Variants in DNAJA1 observed in about 807,000 individuals in gnomAD.
DNAJA1 encodes the protein dnaJ homolog subfamily A member 1.
Under a neutral mutation model 47.6 loss-of-function variants are expected in DNAJA1, and 26 were observed. The observed-to-expected ratio is 0.55, with a 90% CI of 0.40 to 0.76. DNAJA1 has a LOEUF of 0.76. Among genes scored for constraint, DNAJA1 ranks in the 30% least tolerant of loss-of-function variants. The pLI, the probability that DNAJA1 is intolerant of heterozygous loss-of-function variation, is 0.00. For synonymous variants in DNAJA1, 165 were observed against 158.4 expected (o/e 1.04, Z -0.31); for missense variants, 315 against 485.0 (o/e 0.65, Z 3.29).
chr9:33,028,061 A>G (rs1333271356), intron 3 of DNAJA1, among the ~76,000 whole-genome samples: 1 of 150,482 alleles, frequency 6.6e-6, no homozygotes, highest in Non-Finnish European at 1.5e-5. Context: ...GACAAAGTAT[A>G]TAGCAATATA....
intron 3 of DNAJA1, among the ~76,000 whole-genome samples, chr9:33,028,759 G>C (rs1046345446): frequency 6.6e-6 from 1 of 152,150 alleles, no homozygotes; most frequent in Non-Finnish European, 1.5e-5. Context: ...AGCTCTAGAA[G>C]CTTTATTTTT....
chr9:33,038,789 A>T lies in DNAJA1; in HGVS notation c.1080A>T (p.Gln360His), dbSNP rs759099963. 4.3e-6 allele frequency: 7 copies of T among 1,614,178 alleles called. No homozygotes were observed. The Admixed American group carries it at 1.2e-4, about 27-fold the overall frequency. The change falls in exon 9 of 9, where the codon CAA becomes CAT. Residue 360 changes from glutamine to histidine, a missense_variant. Transcript: ENST00000330899. Reference protein sequence around the residue: ...KEVEETDEMDQVELVDFDPNQ... With the variant: ...KEVEETDEMDHVELVDFDPNQ... ...TGGAAGAGACTGATGAGATGGACCA[A>T]GTAGAACTGGTGGACTTTGATCCAA...
At chr9:33,031,097 T>C (rs561585867) in intron 5 of DNAJA1, among the ~76,000 whole-genome samples, 2 of 152,334 alleles carry the variant, frequency 1.3e-5, no homozygotes, top group African/African-American at 2.4e-5. Context: ...CTCATAAAAA[T>C]TCATGGTTTT....
intron 3 of DNAJA1, among the ~76,000 whole-genome samples, chr9:33,028,917 G>A (rs576154971): frequency 1.4e-4 from 21 of 152,354 alleles, no homozygotes; most frequent in African/African-American, 4.8e-4. Context: ...ATATTGTACA[G>A]AAACGAGTTT....
rs1245559024 is a variant in DNAJA1 at position 33,039,536 on chromosome 9, CATATATATATACAT to C, written c.*645_*658del. The C allele has an allele frequency of 4.4e-5, 5 of 113,978 alleles. No individual in the cohort carries two copies. The South Asian group carries it at 7.3e-4, about 17-fold the overall frequency. The allele number at this position is 113,978 out of a possible 1,614,324, so 7.1% of individuals were successfully genotyped here. A position where few individuals can be genotyped will look rare whatever the true frequency, so the allele number is the denominator to read the frequency against. On this transcript the variant is annotated 3_prime_UTR_variant, in exon 9 of 9. Transcript: ENST00000330899. ...TTGTGTTTCCTTCTGCTGTGCCATTCATATATATATACATATATATATATAATCTTGACCAGTCC... is the reference window on the plus strand; with the variant it reads ...TTGTGTTTCCTTCTGCTGTGCCATTCATATATATATAATCTTGACCAGTCC...
intron 3 of DNAJA1, among the ~76,000 whole-genome samples, chr9:33,027,466 C>T (rs780041209): frequency 2.0e-5 from 3 of 151,888 alleles, no homozygotes; most frequent in Non-Finnish European, 2.9e-5. Flanking sequence ...CCAGTGGTGT[C>T]GCTTTTTTTA....
At chr9:33,027,049 C>G (rs1433923619) in intron 3 of DNAJA1, 59 bp downstream of exon 3, 23 of 1,589,644 alleles carry the variant, frequency 1.4e-5, no homozygotes, top group Non-Finnish European at 1.5e-5. Context: ...CAGAGCAGAT[C>G]TTTGAGAAAT....
intron 6 of DNAJA1, among the ~76,000 whole-genome samples, chr9:33,035,408 A>G (rs924749630): frequency 1.3e-5 from 2 of 152,106 alleles, no homozygotes; most frequent in African/African-American, 4.8e-5. Context: ...ATAATGGGAA[A>G]TGTTGTCAAG....
At chr9:33,038,434 A>G (rs1159926639) in intron 8 of DNAJA1, among the ~76,000 whole-genome samples, 1 of 152,212 alleles carries the variant, frequency 6.6e-6, no homozygotes, top group Non-Finnish European at 1.5e-5. Context: ...TGGATAGAAC[A>G]ATGGTTGTTA....
chr9:33,030,295 C>A, intron 4 of DNAJA1, 145 bp from the exon 5 acceptor site: 1 of 739,762 alleles, frequency 1.4e-6, no homozygotes, highest in Non-Finnish European at 2.2e-6. Context: ...TTGGAATGAT[C>A]TCATCAGTTG....
At chr9:33,033,569 G>A (rs7859567) in intron 5 of DNAJA1, among the ~76,000 whole-genome samples, 6,685 of 152,042 alleles carry the variant, frequency 0.044, 177 homozygotes, top group East Asian at 0.11. Flanking sequence ...GCTGGTCTGT[G>A]GTCCTGGCTA....
rs748839999 is a variant in DNAJA1, at chr9:33,026,894, A to G, written c.214A>G (p.Ile72Val). The change falls in exon 3 of 9, where the codon ATT becomes GTT. Residue 72 changes from isoleucine to valine, a missense_variant. This residue lies in a region of DNAJA1 where 100 missense variants were observed against 163.0 expected (regional missense o/e 0.61). Transcript: ENST00000330899. ...ELYDKGGEQA[I>V]KEGGAGGGFG... Reference sequence around the variant, plus strand: ...ATATGACAAAGGAGGAGAACAGGCAATTAAAGAGGGTGGAGCAGGTGGCGG... The same window carrying G: ...ATATGACAAAGGAGGAGAACAGGCAGTTAAAGAGGGTGGAGCAGGTGGCGG... The G allele has an allele frequency of 1.9e-6, 3 of 1,614,078 alleles. No individual in the cohort carries two copies. The highest frequency in any genetic ancestry group is 1.1e-5 in the South Asian group (1 of 91,094).
intron 5 of DNAJA1, among the ~76,000 whole-genome samples, chr9:33,033,237 A>G (rs1455656855): frequency 6.6e-6 from 1 of 151,574 alleles, no homozygotes; most frequent in East Asian, 1.9e-4. Context: ...TACGGACCAC[A>G]TGGGCTAAGG....
chr9:33,026,351 T>G, intron 1 of DNAJA1, 124 bp from the exon 2 acceptor site: 1 of 973,342 alleles, frequency 1.0e-6, no homozygotes, highest in African/African-American at 1.7e-5. Context: ...ACCTTTTTGG[T>G]GAAATTTAGG....
chr9:33,036,714 C>T (rs762719547), intron 7 of DNAJA1, 25 bp downstream of exon 7: 1 of 1,514,460 alleles, frequency 6.6e-7, no homozygotes. Context: ...CAAGCTTAAA[C>T]TTCTCTTTTC....
chr9:33,026,763 G>T, intron 2 of DNAJA1, 50 bp from the exon 3 acceptor site: 1 of 1,598,622 alleles, frequency 6.3e-7, no homozygotes. Context: ...ATGTAGCTAG[G>T]TAACACTTGT....
chr9:33,029,362 A>G (rs1445684626), intron 3 of DNAJA1, among the ~76,000 whole-genome samples: 7 of 152,198 alleles, frequency 4.6e-5, no homozygotes, highest in Non-Finnish European at 5.9e-5. Flanking sequence ...TTTTCTACTA[A>G]ATCAGGAAGA....
chr9:33,039,408 G>C lies in DNAJA1; in HGVS notation c.*505G>C, dbSNP rs922217104. The C allele has an allele frequency of 5.2e-5, 8 of 152,420 alleles. No homozygotes were observed. The highest frequency in any genetic ancestry group is 5.2e-4 in the Admixed American group (8 of 15,286). The allele number at this position is 152,420 out of a possible 1,614,324, so 9.4% of individuals were successfully genotyped here. A position where few individuals can be genotyped will look rare whatever the true frequency, so the allele number is the denominator to read the frequency against. ...GCCTCAGCTGTTACTTGAAGATGGCGTAATATATAATTTATCCTGTGGTAT... is the reference window on the plus strand; with the variant it reads ...GCCTCAGCTGTTACTTGAAGATGGCCTAATATATAATTTATCCTGTGGTAT... On this transcript the variant is annotated 3_prime_UTR_variant, in exon 9 of 9. Coordinates refer to ENST00000330899, the MANE Select transcript of DNAJA1 (RefSeq NM_001539.4).
intron 5 of DNAJA1, 141 bp from the exon 6 acceptor site, chr9:33,034,075 A>AAT (rs1284733791): frequency 1.8e-5 from 10 of 544,352 alleles, no homozygotes; most frequent in Non-Finnish European, 2.8e-5. Context: ...TTCAGGAGCA[A>AAT]ATTGGACTGA....
Sources: gnomAD v4.1 joint callset for allele counts (sites outside exome capture counted in the v4.1 genomes callset) on GRCh38, gnomAD v4.1.1 for gene constraint, gnomAD v4.1.1 regional missense constraint, MANE v1.5 for transcripts, NCBI Gene and HGNC (gene_info 2026-07-23, HGNC 2026-07-21) for gene names.